Variants in PRKN observed in about 807,000 individuals in gnomAD.
The protein encoded by PRKN is E3 ubiquitin-protein ligase parkin.
In PRKN, 56 loss-of-function variants were observed where a neutral mutation model predicts 59.5. The ratio of observed to expected loss-of-function variants is 0.94; its 90% CI spans 0.76 to 1.18. The LOEUF (loss-of-function observed/expected upper bound fraction) is 1.18, where lower values mean the gene tolerates loss of function less well. PRKN is among the 50% of genes most tolerant of loss of function. The probability of loss-of-function intolerance (pLI) is 0.00; values close to 1 mark genes in which losing one functional copy is unlikely to be tolerated. For missense variants in PRKN, 657 were observed against 596.4 expected (o/e 1.10, Z -1.06); for synonymous variants, 250 against 222.1 (o/e 1.13, Z -1.12).
intron 1 of PRKN, among the ~76,000 whole-genome samples, chr6:162,708,884 G>C (rs1376361743): frequency 6.6e-6 from 1 of 152,172 alleles, no homozygotes; most frequent in Admixed American, 6.5e-5. Context: ...GAGGTGAGTG[G>C]TGGGCAAGCG....
At chr6:162,075,458 C>T (rs183977112) in intron 4 of PRKN, among the ~76,000 whole-genome samples, 3 of 152,100 alleles carry the variant, frequency 2.0e-5, no homozygotes, top group East Asian at 1.9e-4. Context: ...TTAACTTGAT[C>T]GCCTGCATTT....
At chr6:161,849,230 G>C (rs1793323728) in intron 6 of PRKN, among the ~76,000 whole-genome samples, 1 of 152,084 alleles carries the variant, frequency 6.6e-6, no homozygotes, top group Admixed American at 6.6e-5. Context: ...GCACCTCCTA[G>C]TCTGCGTGAC....
rs892081886 is a variant in PRKN, at chr6:162,056,012, T to G, written c.535-1838A>C. Among the ~76,000 whole-genome samples the G allele has an allele frequency of 3.7e-5, 4 of 108,204 alleles. No individual in the cohort carries two copies. Among genetic ancestry groups the G allele is most frequent in the African/African-American group, 1.1e-4 (4 of 35,202 alleles). 71.0% of individuals were successfully genotyped at this position (108,204 alleles called of 152,430 possible). On this transcript the variant is annotated intron_variant, in intron 4 of 11. Transcript: ENST00000366898. The surrounding 1 kb of genome is among the most constrained non-coding windows in gnomAD (Gnocchi z 4.9). ...ACTCAGGCATGCACGCACACAGGCA[T>G]GCACGCACACAGCATGCCACACACC...
At chr6:162,066,511 G>T (rs951012229) in intron 4 of PRKN, among the ~76,000 whole-genome samples, 1 of 152,148 alleles carries the variant, frequency 6.6e-6, no homozygotes, top group Non-Finnish European at 1.5e-5. Flanking sequence ...AATGGAAAGC[G>T]TTTAAGTCAC....
At chr6:162,458,969 C>T (rs1000009824) in intron 1 of PRKN, among the ~76,000 whole-genome samples, 1 of 151,988 alleles carries the variant, frequency 6.6e-6, no homozygotes, top group African/African-American at 2.4e-5. Flanking sequence ...TACAGGCATG[C>T]ACCACCACAC....
chr6:162,569,105 T>C, intron 1 of PRKN: 1 of 659,940 alleles, frequency 1.5e-6, no homozygotes. Context: ...GGTCAAGGCG[T>C]AGTATGAGGA....
chr6:161,353,427 G>A lies in PRKN; in HGVS notation c.1286-3216C>T, dbSNP rs902916487. Among the ~76,000 whole-genome samples the A allele has an allele frequency of 2.0e-5, 3 of 152,078 alleles. No homozygotes were observed. The highest frequency in any genetic ancestry group is 7.2e-5 in the African/African-American group (3 of 41,408). ...GAGATCAAAGCCTTTCTGTCCCACC[G>A]CATTTCAACACGGCTGTCCATGCTT... On this transcript the variant is annotated intron_variant, in intron 11 of 11. Coordinates refer to ENST00000366898, the MANE Select transcript of PRKN (RefSeq NM_004562.3). The surrounding 1 kb of genome is among the most constrained non-coding windows in gnomAD (Gnocchi z 4.8).
intron 6 of PRKN, among the ~76,000 whole-genome samples, chr6:161,821,184 C>T (rs1489456372): frequency 6.6e-6 from 1 of 151,640 alleles, no homozygotes; most frequent in East Asian, 1.9e-4. Flanking sequence ...TACCAAAAAC[C>T]CCCAAACATA....
At position 162,693,517 on chromosome 6, in the gene PRKN, T is replaced by C. The variant is rs144714257; in HGVS notation, c.7+34145A>G. 4.9e-4 allele frequency among the ~76,000 whole-genome samples: 75 copies of C among 152,280 alleles called. No individual in the cohort carries two copies. The East Asian group carries it at 8.7e-3, about 18-fold the overall frequency. ...AACAGATGTGAGGGCGGGGACAGCATTGAATACAATCACCATCTCTGATGG... is the reference window on the plus strand; with the variant it reads ...AACAGATGTGAGGGCGGGGACAGCACTGAATACAATCACCATCTCTGATGG... On this transcript the variant is annotated intron_variant, in intron 1 of 11. Coordinates refer to ENST00000366898, the MANE Select transcript of PRKN (RefSeq NM_004562.3).
intron 1 of PRKN, among the ~76,000 whole-genome samples, chr6:162,711,420 T>A (rs1478091266): frequency 2.8e-5 from 4 of 144,328 alleles, no homozygotes; most frequent in Non-Finnish European, 1.5e-5. Flanking sequence ...AACTGCTATT[T>A]AAAAAAAAAA....
chr6:161,898,075 A>G (rs1000933544), intron 6 of PRKN, among the ~76,000 whole-genome samples: 2 of 151,916 alleles, frequency 1.3e-5, no homozygotes, highest in Non-Finnish European at 2.9e-5. Flanking sequence ...TTTAAGAAGG[A>G]TGACTATAAC....
intron 2 of PRKN, chr6:162,271,532 G>C (rs548309891): frequency 6.7e-6 from 1 of 148,404 alleles, no homozygotes; most frequent in Non-Finnish European, 1.5e-5. Context: ...GACAGAGCGA[G>C]ACTCCGTCTC....
intron 6 of PRKN, among the ~76,000 whole-genome samples, chr6:161,950,873 G>A (rs1035566128): frequency 6.6e-6 from 1 of 151,694 alleles, no homozygotes; most frequent in Non-Finnish European, 1.5e-5. Context: ...CTAGAAGAGG[G>A]AGTTTCAGGA....
At chr6:162,480,405 T>C (rs180881335) in intron 1 of PRKN, among the ~76,000 whole-genome samples, 1 of 152,228 alleles carries the variant, frequency 6.6e-6, no homozygotes, top group Non-Finnish European at 1.5e-5. Context: ...ATACGGACAA[T>C]TACTGACGAC....
At chr6:162,430,390 A>C (rs1297092629) in intron 2 of PRKN, among the ~76,000 whole-genome samples, 1 of 152,182 alleles carries the variant, frequency 6.6e-6, no homozygotes, top group East Asian at 1.9e-4. Flanking sequence ...CATAAGCTAC[A>C]TTCCAACCCA....
In PRKN at chr6:161,552,744, A is replaced by G. The variant is rs914063517; in HGVS notation, c.934-3741T>C. The stretch of plus-strand genomic sequence containing the variant: ...CCCTCCATGTATCTATTCTCATCAC[A>G]ACACCTTCACCCCTTCCTAAAAGAC... On this transcript the variant is annotated intron_variant, in intron 8 of 11. Coordinates refer to ENST00000366898, the MANE Select transcript of PRKN (RefSeq NM_004562.3). The surrounding 1 kb of genome is among the most constrained non-coding windows in gnomAD (Gnocchi z 4.9). Among the ~76,000 whole-genome samples, 5 of 151,340 alleles carry G rather than the reference A, an allele frequency of 3.3e-5. No individual in the cohort carries two copies. Among genetic ancestry groups the G allele is most frequent in the Admixed American group, 3.3e-4 (5 of 15,194 alleles).
At chr6:161,734,907 A>G (rs1371649146) in intron 7 of PRKN, among the ~76,000 whole-genome samples, 3 of 152,084 alleles carry the variant, frequency 2.0e-5, no homozygotes, top group Admixed American at 2.0e-4. Context: ...CTGAATGTGG[A>G]TATCACCACT....
Position 162,165,167 on chromosome 6 carries a change from TA to T in PRKN, c.534+35963del, listed in dbSNP as rs532685899. Among the ~76,000 whole-genome samples the T allele has an allele frequency of 1.9e-4, 28 of 148,874 alleles. 1 individual carries two copies. The East Asian group carries it at 5.2e-3, about 28-fold the overall frequency. On this transcript the variant is annotated intron_variant, in intron 4 of 11. Transcript: ENST00000366898. Reference sequence around the variant, plus strand: ...TAGATATCCATACCTCACACTATCATAAAATTTACATATGTTGGATCCTAAA... The same window carrying T: ...TAGATATCCATACCTCACACTATCATAAATTTACATATGTTGGATCCTAAA...
intron 7 of PRKN, among the ~76,000 whole-genome samples, chr6:161,640,427 G>A (rs6455745): frequency 0.43 from 65,803 of 152,020 alleles, 16,533 homozygotes; most frequent in African/African-American, 0.71. Context: ...TGGGCACCTG[G>A]GCAGCTGCTT....
Sources: allele counts gnomAD v4.1 joint callset (sites outside exome capture counted in the v4.1 genomes callset), GRCh38; gene constraint gnomAD v4.1.1; non-coding constraint Gnocchi (gnomAD v3.1); transcripts MANE v1.5; gene names NCBI Gene and HGNC (gene_info 2026-07-23, HGNC 2026-07-21).